Variants in RALYL observed in about 807,000 individuals in gnomAD.
The protein encoded by RALYL is RALY RNA binding protein like.
RALYL carries 29 observed loss-of-function variants against 35.1 expected under a neutral mutation model. The observed-to-expected ratio is 0.83, with a 90% CI of 0.61 to 1.13. RALYL has a LOEUF of 1.13. RALYL is among the 50% of genes most tolerant of loss of function. The pLI is 0.00. For synonymous variants in RALYL, 120 were observed against 127.6 expected (o/e 0.94, Z 0.40); for missense variants, 359 against 360.4 (o/e 1.00, Z 0.03).
intron 1 of RALYL, among the ~76,000 whole-genome samples, chr8:84,406,061 T>TA (rs60532162): frequency 0.092 from 11,694 of 127,212 alleles, 713 homozygotes; most frequent in African/African-American, 0.18. Flanking sequence ...ATACCTAAAG[T>TA]AAAAAAAAAA....
At chr8:84,490,304 G>A (rs1181821801) in intron 1 of RALYL, among the ~76,000 whole-genome samples, 2 of 151,858 alleles carry the variant, frequency 1.3e-5, no homozygotes, top group Non-Finnish European at 1.5e-5. Flanking sequence ...CTGCCACCTG[G>A]CTGGAAACTT....
chr8:84,572,023 A>T (rs1468846343), intron 2 of RALYL, among the ~76,000 whole-genome samples: 1 of 151,814 alleles, frequency 6.6e-6, no homozygotes, highest in Non-Finnish European at 1.5e-5. Flanking sequence ...ATGGCCAAGC[A>T]TATGGTAAAT....
chr8:84,513,726 G>A (rs2057812582), intron 1 of RALYL, among the ~76,000 whole-genome samples: 1 of 151,874 alleles, frequency 6.6e-6, no homozygotes, highest in Non-Finnish European at 1.5e-5. Flanking sequence ...AGGTAACATT[G>A]ACTCTTAAGA....
intron 1 of RALYL, among the ~76,000 whole-genome samples, chr8:84,397,120 GC>G (rs1200454558): frequency 6.6e-6 from 1 of 152,078 alleles, no homozygotes; most frequent in Non-Finnish European, 1.5e-5. Context: ...GACAACAGTG[GC>G]AGAGGCCGGG....
intron 1 of RALYL, among the ~76,000 whole-genome samples, chr8:84,478,256 T>C (rs1280281247): frequency 1.3e-5 from 2 of 152,142 alleles, no homozygotes; most frequent in Non-Finnish European, 2.9e-5. Context: ...AATATACTGA[T>C]TGAGCACTAC....
intron 2 of RALYL, among the ~76,000 whole-genome samples, chr8:84,640,988 T>G (rs1036425248): frequency 5.3e-5 from 8 of 151,836 alleles, no homozygotes; most frequent in Admixed American, 3.3e-4. Context: ...TTGTCACAGC[T>G]TACATAGACC....
chr8:84,410,345 G>C (rs887783656), intron 1 of RALYL, among the ~76,000 whole-genome samples: 1 of 151,786 alleles, frequency 6.6e-6, no homozygotes, highest in Non-Finnish European at 1.5e-5. Flanking sequence ...ATTCATCACT[G>C]TTCTCATCTG....
intron 1 of RALYL, among the ~76,000 whole-genome samples, chr8:84,350,288 C>A (rs1221049228): frequency 4.0e-5 from 6 of 150,496 alleles, no homozygotes. Context: ...ATCTAAAATG[C>A]ACATCAGGCT....
intron 1 of RALYL, among the ~76,000 whole-genome samples, chr8:84,303,498 T>G (rs1023388084): frequency 1.3e-5 from 2 of 152,228 alleles, no homozygotes; most frequent in African/African-American, 4.8e-5. Flanking sequence ...TCAGAGGTAC[T>G]ATTGACTTAT....
intron 1 of RALYL, among the ~76,000 whole-genome samples, chr8:84,436,499 C>G (rs575810899): frequency 3.4e-5 from 5 of 147,946 alleles, no homozygotes; most frequent in Non-Finnish European, 7.4e-5. Context: ...ATAAAACCTT[C>G]GCAGAGGCAC....
chr8:84,439,121 AAAT>A (rs778165694), intron 1 of RALYL, among the ~76,000 whole-genome samples: 1 of 152,030 alleles, frequency 6.6e-6, no homozygotes, highest in South Asian at 2.1e-4. Context: ...ATTCTGTAAA[AAAT>A]GATGTTGGTA....
intron 1 of RALYL, among the ~76,000 whole-genome samples, chr8:84,502,069 G>C (rs985919948): frequency 1.3e-5 from 2 of 151,494 alleles, no homozygotes; most frequent in Non-Finnish European, 3.0e-5. Context: ...ACCATTTTTT[G>C]ACAATTTGGC....
intron 2 of RALYL, among the ~76,000 whole-genome samples, chr8:84,772,194 T>A (rs1253098248): frequency 6.6e-6 from 1 of 152,108 alleles, no homozygotes; most frequent in African/African-American, 2.4e-5. Context: ...TATACGTGTG[T>A]GTATTTCATG....
In RALYL at chr8:84,862,301, T is replaced by C. The variant is rs777877376; in HGVS notation, c.419T>C (p.Phe140Ser). The C allele has an allele frequency of 6.4e-7, 1 of 1,553,238 alleles. No homozygotes were observed. The highest frequency in any genetic ancestry group is 8.7e-7 in the Non-Finnish European group (1 of 1,150,730). Residue 140 changes from phenylalanine (F) to serine (S), a missense_variant, in exon 6 of 9, where the codon TTT becomes TCT. By Grantham distance (155) the Phe-to-Ser change is radical. Transcript: ENST00000521268. ...CCCATTTGTGTTTTGTAAAGGTTAT[T>C]TGATTACCACGGGCGTGTGCCTCCA... ...YYRDDFYNRL[F>S]DYHGRVPPPP...
At chr8:84,238,274 G>A (rs893724403) in intron 1 of RALYL, among the ~76,000 whole-genome samples, 30 of 152,106 alleles carry the variant, frequency 2.0e-4, no homozygotes, top group Admixed American at 6.5e-4. Context: ...ATGATGTCCA[G>A]AAATTGATCG....
intron 2 of RALYL, among the ~76,000 whole-genome samples, chr8:84,686,450 C>T (rs554248591): frequency 5.9e-5 from 9 of 152,216 alleles, no homozygotes; most frequent in African/African-American, 1.9e-4. Flanking sequence ...TGTCGCCCAA[C>T]CTGGAGTGCA....
Position 84,333,496 on chromosome 8 carries a change from G to A in RALYL, c.-24+149072G>A, listed in dbSNP as rs145987964. On this transcript the variant is annotated intron_variant, in intron 1 of 8. Coordinates refer to ENST00000521268, the MANE Select transcript of RALYL (RefSeq NM_173848.7). ...AAATATTAGATAAAACTCTGATACA[G>A]TCTTTTTGCTTTGATTTTGAAATGA... Among the ~76,000 whole-genome samples, 1,180 of 152,244 alleles carry A rather than the reference G, an allele frequency of 7.8e-3. 20 individuals are homozygous for A. The highest frequency in any genetic ancestry group is 0.027 in the African/African-American group (1,135 of 41,568).
intron 1 of RALYL, among the ~76,000 whole-genome samples, chr8:84,368,466 T>A (rs181390881): frequency 6.6e-6 from 1 of 152,272 alleles, no homozygotes; most frequent in Non-Finnish European, 1.5e-5. Context: ...TAGCATTTGG[T>A]CAGTGTATTA....
intron 2 of RALYL, among the ~76,000 whole-genome samples, chr8:84,610,757 G>T (rs1281498556): frequency 6.6e-6 from 1 of 151,966 alleles, no homozygotes; most frequent in South Asian, 2.1e-4. Flanking sequence ...TTTATTTGGG[G>T]GTTATTAGCC....
Sources: gnomAD v4.1 joint callset for allele counts (sites outside exome capture counted in the v4.1 genomes callset) on GRCh38, gnomAD v4.1.1 for gene constraint, MANE v1.5 for transcripts, NCBI Gene and HGNC (gene_info 2026-07-23, HGNC 2026-07-21) for gene names.